Variants in CAPS2 observed in about 807,000 individuals in gnomAD.
The protein encoded by CAPS2 is calcyphosine 2.
Under a neutral mutation model 86.5 loss-of-function variants are expected in CAPS2, and 98 were observed. The ratio of observed to expected loss-of-function variants is 1.13; its 90% CI spans 0.96 to 1.34. CAPS2 has a LOEUF of 1.34. CAPS2 is among the 40% of genes most tolerant of loss of function. CAPS2 has a pLI of 0.00. For missense variants in CAPS2, 729 were observed against 686.8 expected (o/e 1.06, Z -0.69); for synonymous variants, 210 against 225.1 (o/e 0.93, Z 0.60).
intron 1 of CAPS2, among the ~76,000 whole-genome samples, chr12:75,350,905 T>A (rs2042766169): frequency 1.3e-5 from 2 of 152,114 alleles, no homozygotes. Flanking sequence ...TTCACTGAGC[T>A]AAAGGAGTAT....
intron 7 of CAPS2, among the ~76,000 whole-genome samples, chr12:75,311,699 GGAAAAAAAAAAACAAAAAAAAAAAC>G (rs1194218826): frequency 2.4e-4 from 4 of 16,994 alleles, no homozygotes; most frequent in African/African-American, 5.0e-4. Flanking sequence ...AAGCCATGCA[GGAAAAAAAAAAACAAAAAAAAAAAC>G]AAAAAAAAAA....
intron 7 of CAPS2, among the ~76,000 whole-genome samples, chr12:75,309,181 T>C (rs959244955): frequency 2.0e-5 from 3 of 152,110 alleles, no homozygotes; most frequent in Admixed American, 1.3e-4. Flanking sequence ...GGCTAGAGAT[T>C]AGGCATCCTT....
chr12:75,386,272 T>C (rs1349098934), intron 1 of CAPS2, among the ~76,000 whole-genome samples: 2 of 152,226 alleles, frequency 1.3e-5, no homozygotes, highest in African/African-American at 4.8e-5. Flanking sequence ...TAAGGGTACG[T>C]GTCTCAGTCT....
chr12:75,378,001 CT>C (rs1216843362), intron 1 of CAPS2, among the ~76,000 whole-genome samples: 3 of 151,488 alleles, frequency 2.0e-5, no homozygotes, highest in Admixed American at 1.3e-4. Context: ...GTGATTGATA[CT>C]TTTTTTTCTT....
chr12:75,290,034 A>C (rs2035568945), intron 13 of CAPS2, among the ~76,000 whole-genome samples: 1 of 152,190 alleles, frequency 6.6e-6, no homozygotes, highest in Non-Finnish European at 1.5e-5. Flanking sequence ...AAAACAGAAA[A>C]ATACAGTTTC....
At chr12:75,376,179 C>T (rs2044637713) in intron 1 of CAPS2, among the ~76,000 whole-genome samples, 1 of 152,156 alleles carries the variant, frequency 6.6e-6, no homozygotes, top group Non-Finnish European at 1.5e-5. Flanking sequence ...TTCAGCTAAC[C>T]AAGCAAATAA....
chr12:75,304,719 T>C (rs368405515), intron 8 of CAPS2, 38 bp downstream of exon 8: 7 of 1,418,802 alleles, frequency 4.9e-6, no homozygotes, highest in South Asian at 2.6e-5. Flanking sequence ...TTTTAGAACA[T>C]AGTGCATCCT....
chr12:75,278,534 G>T (rs2033301666), exon 17 of CAPS2: 7 of 995,342 alleles, frequency 7.0e-6, no homozygotes, highest in Middle Eastern at 5.0e-4. Flanking sequence ...TTAATAAATA[G>T]ATGTTGCCAT....
intron 14 of CAPS2, among the ~76,000 whole-genome samples, chr12:75,287,849 G>A (rs894410645): frequency 6.6e-6 from 1 of 152,164 alleles, no homozygotes; most frequent in East Asian, 1.9e-4. Context: ...AAGTTCCAGG[G>A]ACCCAAACTT....
chr12:75,380,489 G>A (rs1176937720), intron 1 of CAPS2, among the ~76,000 whole-genome samples: 1 of 152,058 alleles, frequency 6.6e-6, no homozygotes, highest in African/African-American at 2.4e-5. Flanking sequence ...TGCAGCTAGG[G>A]AAACTACATT....
At chr12:75,363,487 C>T (rs2043755121) in intron 1 of CAPS2, among the ~76,000 whole-genome samples, 1 of 152,114 alleles carries the variant, frequency 6.6e-6, no homozygotes, top group Non-Finnish European at 1.5e-5. Context: ...TTTTTACTCG[C>T]TTTCATTGAC....
At chr12:75,291,810 TAGA>T in exon 13 of CAPS2, 1 of 1,544,162 alleles carries the variant, frequency 6.5e-7, no homozygotes, top group Non-Finnish European at 8.8e-7. Context: ...TCCTGTTCCA[TAGA>T]AGCAGTTCTG....
chr12:75,364,239 C>G (rs2043814016), intron 1 of CAPS2, among the ~76,000 whole-genome samples: 1 of 152,174 alleles, frequency 6.6e-6, no homozygotes, highest in African/African-American at 2.4e-5. Context: ...CTCCCCTTTC[C>G]CATCATGGCC....
intron 1 of CAPS2, among the ~76,000 whole-genome samples, chr12:75,340,309 G>T (rs764907423): frequency 1.3e-5 from 2 of 151,756 alleles, no homozygotes; most frequent in Non-Finnish European, 2.9e-5. Flanking sequence ...TTTCCTCTGC[G>T]TAGATTTTTG....
chr12:75,368,696 G>C (rs936721484), intron 1 of CAPS2, among the ~76,000 whole-genome samples: 1 of 151,738 alleles, frequency 6.6e-6, no homozygotes, highest in East Asian at 1.9e-4. Context: ...GTTTGTATTA[G>C]ACTCATTTTA....
intron 7 of CAPS2, among the ~76,000 whole-genome samples, chr12:75,312,077 A>C (rs1279158637): frequency 1.3e-5 from 2 of 152,136 alleles, no homozygotes; most frequent in African/African-American, 4.8e-5. Context: ...GATTATTCCA[A>C]CCTCTTCAGA....
At chr12:75,368,749 T>G (rs2044161837) in intron 1 of CAPS2, among the ~76,000 whole-genome samples, 1 of 152,022 alleles carries the variant, frequency 6.6e-6, no homozygotes, top group Admixed American at 6.6e-5. Flanking sequence ...AGTATTTTGG[T>G]TACAGTGTGT....
upstream of CAPS2, among the ~76,000 whole-genome samples, chr12:75,332,977 A>T (rs1188110194): frequency 6.6e-6 from 1 of 152,220 alleles, no homozygotes; most frequent in Non-Finnish European, 1.5e-5. Flanking sequence ...AAGTGCAAAG[A>T]TGCTGAGGAG....
intron 1 of CAPS2, among the ~76,000 whole-genome samples, chr12:75,389,092 G>A (rs1202497055): frequency 6.6e-6 from 1 of 152,168 alleles, no homozygotes; most frequent in African/African-American, 2.4e-5. Flanking sequence ...TTTTCCATCT[G>A]TTAAAGGGAT....
Sources: gnomAD v4.1 joint callset for allele counts (sites outside exome capture counted in the v4.1 genomes callset) on GRCh38, gnomAD v4.1.1 for gene constraint, MANE v1.5 for transcripts, NCBI Gene and HGNC (gene_info 2026-07-23, HGNC 2026-07-21) for gene names.